Variants in C2CD3 observed in about 807,000 individuals in gnomAD.
C2CD3 encodes the protein C2 domain containing 3 centriole elongation regulator.
Under a neutral mutation model 234.0 loss-of-function variants are expected in C2CD3, and 148 were observed. That is an observed-to-expected ratio of 0.63 (90% confidence interval 0.55 to 0.72). The LOEUF is 0.72. C2CD3 is among the 30% of genes least tolerant of loss of function. C2CD3 has a pLI of 0.00. For synonymous variants in C2CD3, 1,000 were observed against 1,035.4 expected (o/e 0.97, Z 0.66); for missense variants, 2,577 against 2,811.5 (o/e 0.92, Z 1.89).
At chr11:74,035,911 G>C (rs1952721987) in intron 30 of C2CD3, among the ~76,000 whole-genome samples, 1 of 151,890 alleles carries the variant, frequency 6.6e-6, no homozygotes, top group Non-Finnish European at 1.5e-5. Flanking sequence ...TCCAGGCCGG[G>C]GTGCAGTGGA....
intron 24 of C2CD3, among the ~76,000 whole-genome samples, chr11:74,065,714 C>T (rs1954490022): frequency 6.6e-6 from 1 of 151,708 alleles, no homozygotes; most frequent in African/African-American, 2.4e-5. Flanking sequence ...ACATACACAC[C>T]ATGGAATACT....
At position 74,094,005 on chromosome 11, in the gene C2CD3, GA is replaced by G. The variant is rs772596851; in HGVS notation, c.3161-7del. 7 of 1,606,918 alleles carry G rather than the reference GA, an allele frequency of 4.4e-6. No individual in the cohort carries two copies. Among genetic ancestry groups the G allele is most frequent in the Admixed American group, 3.4e-5 (2 of 59,420 alleles). On this transcript the variant is annotated splice_region_variant and splice_polypyrimidine_tract_variant and intron_variant, in intron 17 of 32. Transcript: ENST00000334126. ...GAAGGGCTTCAGAGTAATTCCTTTG[GA>G]AAAGAAAAGCATTTCAGAATAATCC...
At chr11:74,105,268 G>A (rs913860604) in intron 13 of C2CD3, among the ~76,000 whole-genome samples, 5 of 151,994 alleles carry the variant, frequency 3.3e-5, no homozygotes, top group Admixed American at 6.6e-5. Context: ...GCATGGCTGT[G>A]ATGATTTTTT....
intron 20 of C2CD3, among the ~76,000 whole-genome samples, chr11:74,089,549 A>G (rs1237160986): frequency 6.6e-6 from 1 of 152,256 alleles, no homozygotes; most frequent in Non-Finnish European, 1.5e-5. Flanking sequence ...CCATAAAGTT[A>G]TAGGTGAACA....
chr11:74,074,140 A>C (rs1954922296), intron 24 of C2CD3, 113 bp downstream of exon 24: 2 of 769,172 alleles, frequency 2.6e-6, no homozygotes, highest in African/African-American at 1.8e-5. Flanking sequence ...TGAGAAATAA[A>C]TATTTATCAG....
Position 74,103,614 on chromosome 11 carries a change from C to T in C2CD3, c.2097G>A (p.Glu699=), listed in dbSNP as rs1956403052. Residue 699 remains glutamate (E), a synonymous_variant, in exon 14 of 33, where the codon GAG becomes GAA. Coordinates refer to ENST00000334126, the MANE Select transcript of C2CD3 (RefSeq NM_001286577.2). ...TGAAATCTTTGTTATCTGTAATAAG[C>T]TCCATGGTTACCTGTAAAACACAAA... ...SPFGPLKVTM[E]LITDNKDFTG... 4 of 1,609,224 alleles carry T rather than the reference C, an allele frequency of 2.5e-6. No individual in the cohort carries two copies. The highest frequency in any genetic ancestry group is 3.4e-6 in the Non-Finnish European group (4 of 1,178,100).
intron 7 of C2CD3, among the ~76,000 whole-genome samples, chr11:74,131,017 G>A (rs1051588855): frequency 6.6e-6 from 1 of 151,504 alleles, no homozygotes; most frequent in Admixed American, 6.6e-5. Context: ...CACCCAGACT[G>A]GAGTGTAGTA....
chr11:74,148,956 TCAAA>T (rs113363902), intron 3 of C2CD3, among the ~76,000 whole-genome samples: 27,239 of 152,032 alleles, frequency 0.18, 2,596 homozygotes, highest in East Asian at 0.3. Context: ...ACATTTAGAT[TCAAA>T]CAGTTCGATA....
At position 74,078,232 on chromosome 11, in the gene C2CD3, G is replaced by A. The variant is rs1189478751; in HGVS notation, c.4486C>T (p.Arg1496Ter). The A allele has an allele frequency of 5.0e-6, 8 of 1,613,938 alleles. No homozygotes were observed. Among genetic ancestry groups the A allele is most frequent in the African/African-American group, 2.7e-5 (2 of 74,890 alleles). Residue 1496 changes from arginine (R) to a stop codon, truncating the protein, a stop_gained, in exon 23 of 33, where the codon CGA becomes TGA. Transcript: ENST00000334126. LOFTEE classifies it high-confidence loss of function. ...TCCACACTGTCATTGCCATAAGCTCGCCACACTTGGATCTCTAGCCTCTCC... is the reference window on the plus strand; with the variant it reads ...TCCACACTGTCATTGCCATAAGCTCACCACACTTGGATCTCTAGCCTCTCC... ...REERLEIQVW[R>*]AYGNDSVERP...
intron 3 of C2CD3, among the ~76,000 whole-genome samples, chr11:74,157,329 G>A (rs891944409): frequency 2.6e-5 from 4 of 152,074 alleles, no homozygotes; most frequent in Admixed American, 2.0e-4. Flanking sequence ...TGAGGTAAAC[G>A]ATATACAGTA....
At chr11:74,105,566 C>T (rs1446311433) in intron 13 of C2CD3, among the ~76,000 whole-genome samples, 3 of 152,112 alleles carry the variant, frequency 2.0e-5, no homozygotes, top group Non-Finnish European at 4.4e-5. Flanking sequence ...CCACTGCACC[C>T]GGCTGATTTT....
At chr11:74,078,752 C>G (rs368209663) in intron 22 of C2CD3, 35 bp from the exon 23 acceptor site, 28 of 1,534,648 alleles carry the variant, frequency 1.8e-5, no homozygotes, top group Non-Finnish European at 2.2e-5. Context: ...CAATTATAGT[C>G]TTAAAAGTAA....
intron 7 of C2CD3, among the ~76,000 whole-genome samples, chr11:74,124,349 G>A (rs1223026126): frequency 6.6e-6 from 1 of 152,078 alleles, no homozygotes; most frequent in Non-Finnish European, 1.5e-5. Flanking sequence ...TGAACAAGCA[G>A]ATAGTTAACA....
chr11:74,071,653 T>C (rs965909147), intron 24 of C2CD3, among the ~76,000 whole-genome samples: 4 of 152,330 alleles, frequency 2.6e-5, no homozygotes, highest in African/African-American at 7.2e-5. Context: ...TCTGAAATGC[T>C]TGGGGCAAGA....
chr11:74,078,546 T>C lies in C2CD3; in HGVS notation c.4172A>G (p.Asn1391Ser). The C allele has an allele frequency of 6.2e-7, 1 of 1,614,108 alleles. No homozygotes were observed. Among genetic ancestry groups the C allele is most frequent in the South Asian group, 1.1e-5 (1 of 91,074 alleles). ...AAEHLGWSFE[N>S]SLKDFVRMDE... ...CATTCTGACAAAATCTTTCAGGCTGTTCTCAAAGCTCCAGCCCAAATGCTC... is the reference window on the plus strand; with the variant it reads ...CATTCTGACAAAATCTTTCAGGCTGCTCTCAAAGCTCCAGCCCAAATGCTC... Residue 1391 changes from asparagine (N) to serine (S), a missense_variant, in exon 23 of 33, where the codon AAC becomes AGC. By Grantham distance (46) the Asn-to-Ser change is conservative (BLOSUM62 1). Transcript: ENST00000334126.
At position 74,049,383 on chromosome 11, in the gene C2CD3, T is replaced by C; in HGVS notation, c.5315A>G (p.Lys1772Arg). The change falls in exon 27 of 33, where the codon AAA (lysine) becomes AGA (arginine). Residue 1772 changes from lysine (K) to arginine (R), a missense_variant. Lys to Arg is a conservative substitution (Grantham distance 26). Coordinates refer to ENST00000334126, the MANE Select transcript of C2CD3 (RefSeq NM_001286577.2). ...TCCACGCCTTGCTTGCCTTTCTTCT[T>C]TGAAGTGTATCAAACTCTCCAAAGG... The part of the protein sequence containing the change: ...VSPLESLIHF[K>R]EERQARRGVE... 6.2e-7 allele frequency: 1 copy of C among 1,614,164 alleles called. No homozygotes were observed. Among genetic ancestry groups the C allele is most frequent in the Non-Finnish European group, 8.5e-7 (1 of 1,179,998 alleles).
chr11:74,123,511 A>G (rs1284419490), intron 7 of C2CD3, among the ~76,000 whole-genome samples: 2 of 152,204 alleles, frequency 1.3e-5, no homozygotes, highest in Admixed American at 1.3e-4. Flanking sequence ...AATGAGTTAA[A>G]TATTATATAT....
intron 7 of C2CD3, among the ~76,000 whole-genome samples, chr11:74,131,358 C>T (rs1400821145): frequency 6.6e-6 from 1 of 151,234 alleles, no homozygotes; most frequent in East Asian, 2.0e-4. Flanking sequence ...GTCTATCTCT[C>T]TCTCTTTATA....
chr11:74,151,303 CTCTT>C (rs1180481403), intron 3 of C2CD3, among the ~76,000 whole-genome samples: 1 of 126,794 alleles, frequency 7.9e-6, no homozygotes, highest in Non-Finnish European at 1.6e-5. Flanking sequence ...GCATCCAACA[CTCTT>C]TATTTATTTA....
Sources: allele counts gnomAD v4.1 joint callset (sites outside exome capture counted in the v4.1 genomes callset), GRCh38; gene constraint gnomAD v4.1.1; transcripts MANE v1.5; gene names NCBI Gene and HGNC (gene_info 2026-07-23, HGNC 2026-07-21).